Variants in SLC45A4 observed in about 807,000 individuals in gnomAD.
The protein encoded by SLC45A4 is polyamine-transporter SLC45A4.
A neutral mutation model predicts 63.7 loss-of-function variants in SLC45A4; 32 were observed. The ratio of observed to expected loss-of-function variants is 0.50; its 90% CI spans 0.38 to 0.67. The LOEUF (loss-of-function observed/expected upper bound fraction) is 0.67. Among genes scored for constraint, SLC45A4 ranks in the 30% least tolerant of loss-of-function variants. The pLI is 0.00. For synonymous variants in SLC45A4, 535 were observed against 510.0 expected, an observed-to-expected ratio of 1.05 and a Z score of -0.66; for missense variants, 1,027 against 1,157.7, an observed-to-expected ratio of 0.89 and a Z score of 1.64.
chr8:141,295,946 G>A (rs930465497), intron 1 of SLC45A4, among the ~76,000 whole-genome samples: 2 of 152,228 alleles, frequency 1.3e-5, no homozygotes, highest in South Asian at 2.1e-4. Flanking sequence ...TCCACAGCCC[G>A]GGGTCAGCCC....
At position 141,227,760 on chromosome 8, in the gene SLC45A4, G is replaced by A. The variant is rs1569558209; in HGVS notation, c.242-5995C>T. Reference sequence around the variant, plus strand: ...AGCCACAGGAAGATAGGGAGGGGGTGAAAAGAGGGGCAAGCTCAGGTGCTT... The same window carrying A: ...AGCCACAGGAAGATAGGGAGGGGGTAAAAAGAGGGGCAAGCTCAGGTGCTT... On this transcript the variant is annotated intron_variant, in intron 2 of 8. Coordinates refer to ENST00000517878, the MANE Select transcript of SLC45A4 (RefSeq NM_001286646.2). This position sits in a 1 kb window ranked among gnomAD's most constrained non-coding sequence, Gnocchi z 4.4. 6.6e-6 allele frequency among the ~76,000 whole-genome samples: 1 copy of A among 152,204 alleles called. No individual in the cohort carries two copies. The highest frequency in any genetic ancestry group is 2.4e-5 in the African/African-American group (1 of 41,456).
intron 2 of SLC45A4, among the ~76,000 whole-genome samples, chr8:141,232,117 G>A (rs1275158561): frequency 1.3e-5 from 2 of 152,252 alleles, no homozygotes; most frequent in African/African-American, 2.4e-5. Flanking sequence ...CAGGGGTGAA[G>A]CTGAGCCTCC....
chr8:141,287,835 G>T (rs1273281774), intron 1 of SLC45A4, among the ~76,000 whole-genome samples: 1 of 152,182 alleles, frequency 6.6e-6, no homozygotes. Context: ...ACCTCCCAGG[G>T]CACAGTCCAC....
chr8:141,263,298 G>C (rs565997780), intron 1 of SLC45A4, among the ~76,000 whole-genome samples: 1 of 151,622 alleles, frequency 6.6e-6, no homozygotes, highest in Non-Finnish European at 1.5e-5. Flanking sequence ...ACACCAACAT[G>C]GCACATGTAT....
At chr8:141,234,353 T>A (rs903043697) in intron 2 of SLC45A4, among the ~76,000 whole-genome samples, 1 of 152,208 alleles carries the variant, frequency 6.6e-6, no homozygotes, top group Non-Finnish European at 1.5e-5. Context: ...GGGCCTAGCT[T>A]GGGCTCTTCC....
chr8:141,228,795 G>A (rs1827183597), intron 2 of SLC45A4, among the ~76,000 whole-genome samples: 1 of 152,148 alleles, frequency 6.6e-6, no homozygotes, highest in African/African-American at 2.4e-5. Flanking sequence ...AGCTACCCCA[G>A]GCCTTGGAAG....
chr8:141,240,062 C>T (rs763051547), intron 2 of SLC45A4, among the ~76,000 whole-genome samples: 15 of 152,182 alleles, frequency 9.9e-5, no homozygotes, highest in African/African-American at 2.4e-4. Flanking sequence ...TCACACGAAA[C>T]GACAATGAAG....
chr8:141,247,238 G>C (rs1828255961), intron 2 of SLC45A4, among the ~76,000 whole-genome samples: 1 of 152,148 alleles, frequency 6.6e-6, no homozygotes, highest in African/African-American at 2.4e-5. Context: ...CAAGGTATAA[G>C]GTCAATATAT....
Position 141,254,343 on chromosome 8 carries a change from C to A in SLC45A4, c.-114G>T. 1.6e-6 allele frequency: 2 copies of A among 1,235,072 alleles called. No individual in the cohort carries two copies. Among genetic ancestry groups the A allele is most frequent in the South Asian group, 3.2e-5 (2 of 62,794 alleles). 76.5% of individuals were successfully genotyped at this position (1,235,072 alleles called of 1,614,324 possible). On this transcript the variant is annotated 5_prime_UTR_variant, in exon 2 of 9. Coordinates refer to ENST00000517878, the MANE Select transcript of SLC45A4 (RefSeq NM_001286646.2). The surrounding 1 kb of genome is among the most constrained non-coding windows in gnomAD (Gnocchi z 4.5). Reference sequence around the variant, plus strand: ...CTCTTTCTGCTTCTGCTGTGTTCCTCGGGCAGGTAACACTTACATTCCTCT... The same window carrying A: ...CTCTTTCTGCTTCTGCTGTGTTCCTAGGGCAGGTAACACTTACATTCCTCT...
chr8:141,224,280 T>TAA, intron 2 of SLC45A4: 2 of 152,382 alleles, frequency 1.3e-5, no homozygotes, highest in Middle Eastern at 6.8e-3. Flanking sequence ...AGATTCTCTT[T>TAA]ACTGCTGCTT....
chr8:141,217,109 G>A lies in SLC45A4; in HGVS notation c.1710C>T (p.Ala570=). 1 of 1,614,014 alleles carries A rather than the reference G, an allele frequency of 6.2e-7. No individual in the cohort carries two copies. Among genetic ancestry groups the A allele is most frequent in the South Asian group, 1.1e-5 (1 of 91,084 alleles). Residue 570 remains alanine (A), a synonymous_variant, in exon 6 of 9, where the codon GCC becomes GCT. Transcript: ENST00000517878. Reference sequence around the variant, plus strand: ...TCTTACCTGAACAAATAGCACCAGTGGCGGCATAAATGACCAGGCCCCAGC... The same window carrying A: ...TCTTACCTGAACAAATAGCACCAGTAGCGGCATAAATGACCAGGCCCCAGC... ...MGCWGLVIYA[A]TGAICSALLQ...
chr8:141,235,060 A>G (rs1031310508), intron 2 of SLC45A4, among the ~76,000 whole-genome samples: 12 of 152,252 alleles, frequency 7.9e-5, no homozygotes, highest in African/African-American at 2.9e-4. Flanking sequence ...TTGTTGCTTC[A>G]TCTCCGAGTG....
At position 141,211,705 on chromosome 8, in the gene SLC45A4, G is replaced by C; in HGVS notation, c.2302-8C>G. On this transcript the variant is annotated splice_polypyrimidine_tract_variant and splice_region_variant and intron_variant, in intron 8 of 8. Transcript: ENST00000517878. ...GTCAATACCTGCAGGCGTCTACAGA[G>C]AGGAAATTTGATAAAAATATTTTAG... 1 of 1,524,356 alleles carries C rather than the reference G, an allele frequency of 6.6e-7. No individual in the cohort carries two copies. Among genetic ancestry groups the C allele is most frequent in the Non-Finnish European group, 8.8e-7 (1 of 1,138,902 alleles). The allele number at this position is 1,524,356 out of a possible 1,614,324, so 94.4% of individuals were successfully genotyped here.
intron 2 of SLC45A4, among the ~76,000 whole-genome samples, chr8:141,248,260 G>T (rs1199857075): frequency 2.0e-5 from 3 of 152,202 alleles, no homozygotes; most frequent in African/African-American, 7.2e-5. Flanking sequence ...TTTGCTTTCT[G>T]AAAGATACCA....
In SLC45A4 at chr8:141,227,251, C is replaced by G. The variant is rs1436185184; in HGVS notation, c.242-5486G>C. On this transcript the variant is annotated intron_variant, in intron 2 of 8. Coordinates refer to ENST00000517878, the MANE Select transcript of SLC45A4 (RefSeq NM_001286646.2). The surrounding 1 kb of genome is among the most constrained non-coding windows in gnomAD (Gnocchi z 4.4). ...GTGAGGTCACGGGCGACGCTCGGGTCACGTGTGGCGGCTCCTGTTCACAGT... is the reference window on the plus strand; with the variant it reads ...GTGAGGTCACGGGCGACGCTCGGGTGACGTGTGGCGGCTCCTGTTCACAGT... Among the ~76,000 whole-genome samples the G allele has an allele frequency of 2.6e-5, 4 of 152,126 alleles. No individual in the cohort carries two copies. Among genetic ancestry groups the G allele is most frequent in the African/African-American group, 2.4e-5 (1 of 41,416 alleles).
In SLC45A4 at chr8:141,278,572, G is replaced by A. The variant is rs995184428; in HGVS notation, c.-400-23943C>T. ...GGGTGAGCACCTGCAGTGGAGGTGG[G>A]GCGGGCAGCCGAAGGAGAGACAGGC... On this transcript the variant is annotated intron_variant, in intron 1 of 8. Coordinates refer to ENST00000517878, the MANE Select transcript of SLC45A4 (RefSeq NM_001286646.2). This position sits in a 1 kb window ranked among gnomAD's most constrained non-coding sequence, Gnocchi z 4.1. Among the ~76,000 whole-genome samples the A allele has an allele frequency of 1.3e-5, 2 of 152,224 alleles. No individual in the cohort carries two copies. The highest frequency in any genetic ancestry group is 2.4e-5 in the African/African-American group (1 of 41,450).
intron 1 of SLC45A4, among the ~76,000 whole-genome samples, chr8:141,292,504 C>T (rs1343798299): frequency 6.6e-6 from 1 of 152,232 alleles, no homozygotes; most frequent in Non-Finnish European, 1.5e-5. Flanking sequence ...GGTCCCTCCT[C>T]GGAAGGCTGC....
chr8:141,221,708 A>G lies in SLC45A4; in HGVS notation c.299T>C (p.Ile100Thr), dbSNP rs766478691. ...TWFLSPILGLIFTPLIGSASD... is the reference protein window; with the variant it reads ...TWFLSPILGLTFTPLIGSASD... ...CGCAGACCCAATGAGAGGTGTGAAG[A>G]TGAGGCCAAGGATGGGGCTCAGGAA... The change falls in exon 3 of 9, where the codon ATC (isoleucine) becomes ACC (threonine). Residue 100 changes from isoleucine (I) to threonine (T), a missense_variant. Physicochemically the swap from Ile to Thr is moderately conservative, Grantham distance 89 (BLOSUM62 -1). Transcript: ENST00000517878. The G allele has an allele frequency of 1.9e-6, 3 of 1,614,044 alleles. No individual in the cohort carries two copies. In the South Asian group the frequency reaches 3.3e-5, roughly 18 times the overall value.
chr8:141,260,490 C>CT (rs1183309566), intron 1 of SLC45A4, among the ~76,000 whole-genome samples: 2 of 152,242 alleles, frequency 1.3e-5, no homozygotes, highest in African/African-American at 4.8e-5. Flanking sequence ...CACCCAACAG[C>CT]TCACAGCAGG....
Sources: allele counts gnomAD v4.1 joint callset (sites outside exome capture counted in the v4.1 genomes callset), GRCh38; gene constraint gnomAD v4.1.1; non-coding constraint Gnocchi (gnomAD v3.1); transcripts MANE v1.5; gene names NCBI Gene and HGNC (gene_info 2026-07-23, HGNC 2026-07-21).